KLF8: variants seen among roughly 807,000 people sequenced by gnomAD.
KLF8 encodes the protein KLF transcription factor 8, also known as Krueppel-like factor 8.
Under a neutral mutation model 18.2 loss-of-function variants are expected in KLF8, and 10 were observed. The ratio of observed to expected loss-of-function variants is 0.55; its 90% CI spans 0.34 to 0.93. The LOEUF (loss-of-function observed/expected upper bound fraction) is 0.93, where lower values mean the gene tolerates loss of function less well. Among genes scored for constraint, KLF8 ranks in the 40% least tolerant of loss-of-function variants. The probability of loss-of-function intolerance (pLI) is 0.02; values close to 1 mark genes in which losing one functional copy is unlikely to be tolerated. For synonymous variants in KLF8, 109 were observed against 97.3 expected (o/e 1.12, Z -0.71); for missense variants, 264 against 277.9 (o/e 0.95, Z 0.36).
chrX:55,912,812 G>A, the KLF8 span, among the ~76,000 whole-genome samples: 1 of 111,318 alleles, frequency 9.0e-6, no homozygotes, highest in African/African-American at 3.3e-5. Flanking sequence ...CCCCTCTATT[G>A]AGCATGTTAC....
At chrX:56,118,256 T>G in the KLF8 span, among the ~76,000 whole-genome samples, 1 of 111,535 alleles carries the variant, frequency 9.0e-6, no homozygotes, top group African/African-American at 3.3e-5. Flanking sequence ...GGAGCTAATG[T>G]GTGTGTATAT....
At chrX:56,261,219 T>C (rs924363673) in intron 2 of KLF8, among the ~76,000 whole-genome samples, 2 of 111,799 alleles carry the variant, frequency 1.8e-5, no homozygotes, top group African/African-American at 6.5e-5. Flanking sequence ...GGAAACCTGA[T>C]AAGGATTCTG....
the KLF8 span, among the ~76,000 whole-genome samples, chrX:56,198,447 G>A: frequency 8.9e-6 from 1 of 111,768 alleles, no homozygotes; most frequent in South Asian, 3.7e-4. Context: ...ACCATTAACA[G>A]ACAAACAGAG....
chrX:55,938,272 C>T, the KLF8 span, among the ~76,000 whole-genome samples: 1 of 111,366 alleles, frequency 9.0e-6, no homozygotes, highest in Non-Finnish European at 1.9e-5. Context: ...TCCAACCAAA[C>T]TAAGCTTCAT....
the KLF8 span, among the ~76,000 whole-genome samples, chrX:55,951,109 CAT>C: frequency 4.5e-5 from 5 of 111,269 alleles, no homozygotes; most frequent in East Asian, 1.4e-3. Context: ...CACAGAAAGT[CAT>C]AGAGACCAAA....
chrX:55,918,523 A>C, the KLF8 span, among the ~76,000 whole-genome samples: 1 of 112,582 alleles, frequency 8.9e-6, no homozygotes, highest in Non-Finnish European at 1.9e-5. Context: ...GCCTTAAAAC[A>C]GCAGAAATTT....
chrX:56,202,378 T>C, the KLF8 span, among the ~76,000 whole-genome samples: 1 of 111,212 alleles, frequency 9.0e-6, no homozygotes, highest in African/African-American at 3.3e-5. Context: ...AAGCACATCA[T>C]GGAGAATGAG....
At chrX:56,192,541 G>A in the KLF8 span, among the ~76,000 whole-genome samples, 1 of 111,563 alleles carries the variant, frequency 9.0e-6, no homozygotes, top group African/African-American at 3.2e-5. Flanking sequence ...CAAAACTGAA[G>A]GAATCATAAT....
At chrX:55,936,919 G>C in the KLF8 span, among the ~76,000 whole-genome samples, 2 of 112,227 alleles carry the variant, frequency 1.8e-5, no homozygotes, top group African/African-American at 6.5e-5. Flanking sequence ...CAAGGACCCT[G>C]CCTGCCTCTG....
At chrX:56,037,537 G>T in the KLF8 span, among the ~76,000 whole-genome samples, 1 of 111,274 alleles carries the variant, frequency 9.0e-6, no homozygotes, top group East Asian at 2.8e-4. Flanking sequence ...GAAGCCAGCT[G>T]GTTCAGGACC....
the KLF8 span, among the ~76,000 whole-genome samples, chrX:56,047,894 T>C: frequency 2.2e-4 from 25 of 111,741 alleles, no homozygotes; most frequent in African/African-American, 8.1e-4. Flanking sequence ...AGTGTAAAAG[T>C]GTTCCTGTTT....
chrX:56,227,537 G>T (rs7887305), upstream of KLF8, among the ~76,000 whole-genome samples: 8,426 of 110,051 alleles, frequency 0.077, 813 homozygotes, highest in African/African-American at 0.27. Flanking sequence ...TAGAGACCAG[G>T]TTTCACCATA....
the KLF8 span, among the ~76,000 whole-genome samples, chrX:56,116,255 AG>A: frequency 8.9e-6 from 1 of 112,717 alleles, no homozygotes; most frequent in African/African-American, 3.2e-5. Flanking sequence ...AGGTGTGATG[AG>A]GAGGATCCAG....
chrX:56,049,750 T>A, the KLF8 span, among the ~76,000 whole-genome samples: 1 of 110,624 alleles, frequency 9.0e-6, no homozygotes, highest in Non-Finnish European at 1.9e-5. Flanking sequence ...TGTTTCTGCC[T>A]GGCTTTGGTA....
chrX:56,262,345 G>A (rs754821544), intron 2 of KLF8, among the ~76,000 whole-genome samples: 4 of 111,707 alleles, frequency 3.6e-5, no homozygotes, highest in Admixed American at 9.5e-5. Flanking sequence ...ATGTTCCTAC[G>A]TAATGTTTTT....
chrX:55,963,541 A>G, the KLF8 span, among the ~76,000 whole-genome samples: 3 of 109,542 alleles, frequency 2.7e-5, no homozygotes, highest in Non-Finnish European at 3.8e-5. Context: ...AAAATTACTG[A>G]AGACACTCCC....
intron 1 of KLF8, among the ~76,000 whole-genome samples, chrX:56,245,645 A>G (rs1348524642): frequency 8.9e-6 from 1 of 112,206 alleles, no homozygotes; most frequent in African/African-American, 3.2e-5. Flanking sequence ...TGAAGAGCCA[A>G]TCCAAGCAGA....
the KLF8 span, among the ~76,000 whole-genome samples, chrX:55,950,242 G>T: frequency 1.8e-5 from 2 of 110,852 alleles, no homozygotes; most frequent in African/African-American, 6.6e-5. Flanking sequence ...ACATCTAATA[G>T]AGAGGTGTAA....
the KLF8 span, among the ~76,000 whole-genome samples, chrX:56,112,773 A>G: frequency 2.7e-5 from 3 of 112,352 alleles, no homozygotes; most frequent in Non-Finnish European, 3.8e-5. Flanking sequence ...TCATTCAACT[A>G]TTATACTTTT....
Sources: gnomAD v4.1 joint callset for allele counts (sites outside exome capture counted in the v4.1 genomes callset) on GRCh38, gnomAD v4.1.1 for gene constraint, MANE v1.5 for transcripts, NCBI Gene and HGNC (gene_info 2026-07-23, HGNC 2026-07-21) for gene names.